LAMA2: variants seen among roughly 807,000 people sequenced by gnomAD.
LAMA2 encodes the protein laminin subunit alpha 2.
Under a neutral mutation model 364.8 loss-of-function variants are expected in LAMA2, and 269 were observed. That is an observed-to-expected ratio of 0.74 (90% CI 0.67 to 0.82). LAMA2 has a LOEUF of 0.82. Among genes scored for constraint, LAMA2 ranks in the 40% least tolerant of loss-of-function variants. LAMA2 has a pLI of 0.00. For missense variants in LAMA2, 3,807 were observed against 3,873.2 expected, an observed-to-expected ratio of 0.98 and a Z score of 0.45; for synonymous variants, 1,379 against 1,370.6, an observed-to-expected ratio of 1.01 and a Z score of -0.14.
Position 129,190,331 on chromosome 6 carries a change from T to C in LAMA2, c.1594T>C (p.Trp532Arg), listed in dbSNP as rs373100233. The C allele has an allele frequency of 3.1e-6, 5 of 1,613,464 alleles. No homozygotes were observed. The highest frequency in any genetic ancestry group is 4.2e-6 in the Non-Finnish European group (5 of 1,179,438). The change falls in exon 11 of 65, where the codon TGG (tryptophan) becomes CGG (arginine). Residue 532 changes from tryptophan (W) to arginine (R), a missense_variant. Trp to Arg is a moderately radical substitution (Grantham distance 101). Around this residue, in one of 3 missense-constraint regions of LAMA2, gnomAD observed 3,333 missense variants for 3,345.7 expected, o/e 1.00. Coordinates refer to ENST00000421865, the MANE Select transcript of LAMA2 (RefSeq NM_000426.4). ...TTCAAACAGATGTCAGAGTTCCTAC[T>C]GGACCTATGGCAAAGTAAGCAAGCA... Reference protein sequence around the residue: ...GVSNRCQSSYWTYGKIQDMSG... With the variant: ...GVSNRCQSSYRTYGKIQDMSG...
intron 3 of LAMA2, among the ~76,000 whole-genome samples, chr6:129,091,442 A>G (rs1017022800): frequency 3.3e-5 from 5 of 152,190 alleles, no homozygotes; most frequent in Admixed American, 3.3e-4. Flanking sequence ...AACTGAGGGC[A>G]GAGTATTCCT....
intron 40 of LAMA2, among the ~76,000 whole-genome samples, chr6:129,413,603 A>G (rs188350123): frequency 6.6e-6 from 1 of 152,194 alleles, no homozygotes; most frequent in Non-Finnish European, 1.5e-5. Flanking sequence ...ATGCAATACA[A>G]TTAGAAATTG....
At chr6:129,426,007 T>C (rs1781307187) in intron 40 of LAMA2, among the ~76,000 whole-genome samples, 1 of 152,178 alleles carries the variant, frequency 6.6e-6, no homozygotes, top group Non-Finnish European at 1.5e-5. Flanking sequence ...GGAAAGCTGT[T>C]TTCTTTTTTT....
At position 129,427,840 on chromosome 6, in the gene LAMA2, C is replaced by G; in HGVS notation, c.5954C>G (p.Ala1985Gly). 3.1e-6 allele frequency: 5 copies of G among 1,610,846 alleles called. No homozygotes were observed. The highest frequency in any genetic ancestry group is 4.2e-6 in the Non-Finnish European group (5 of 1,177,192). Reference protein sequence around the residue: ...FRILNEAKKLANDVKENEDHL... With the variant: ...FRILNEAKKLGNDVKENEDHL... ...ATTCTTAACGAAGCCAAGAAGTTAG[C>G]AAATGATGTAAAAGGTCAGTGTGGC... Residue 1985 changes from alanine (A) to glycine (G), a missense_variant, in exon 41 of 65, where the codon GCA becomes GGA. Ala to Gly is a moderately conservative substitution (Grantham distance 60, BLOSUM62 0). This residue lies in a region of LAMA2 where 3,333 missense variants were observed against 3,345.7 expected (regional missense o/e 1.00). Transcript: ENST00000421865.
intron 1 of LAMA2, among the ~76,000 whole-genome samples, chr6:128,934,114 T>C (rs1380492739): frequency 2.0e-5 from 3 of 152,244 alleles, no homozygotes; most frequent in Admixed American, 2.0e-4. Context: ...GATTTTTGTA[T>C]ATGGAATAAG....
Position 129,067,477 on chromosome 6 carries a change from G to A in LAMA2, c.396+7581G>A, listed in dbSNP as rs149522749. Among the ~76,000 whole-genome samples, 1,225 of 152,240 alleles carry A rather than the reference G, an allele frequency of 8.0e-3. 7 individuals are homozygous for A. Among genetic ancestry groups the A allele is most frequent in the Middle Eastern group, 0.027 (8 of 294 alleles). On this transcript the variant is annotated intron_variant, in intron 3 of 64. Transcript: ENST00000421865. ...AAAATGTTCATCCTAATTGGTTTCC[G>A]TTTGTCTACCCTTTGGTCTGCTTTC...
chr6:129,486,903 C>T (rs1288488081), intron 56 of LAMA2, among the ~76,000 whole-genome samples: 1 of 152,152 alleles, frequency 6.6e-6, no homozygotes, highest in Non-Finnish European at 1.5e-5. Context: ...AGAAAAATCC[C>T]TCCCTCTGCC....
intron 1 of LAMA2, among the ~76,000 whole-genome samples, chr6:128,950,378 A>G (rs2114566236): frequency 6.6e-6 from 1 of 152,282 alleles, no homozygotes; most frequent in Admixed American, 6.5e-5. Flanking sequence ...GAAGCAACAT[A>G]CCAAGAAGGA....
rs1217989194 is a variant in LAMA2 at position 129,366,319 on chromosome 6, T to C, written c.4818T>C (p.Tyr1606=). 6.2e-7 allele frequency: 1 copy of C among 1,613,956 alleles called. No individual in the cohort carries two copies. Among genetic ancestry groups the C allele is most frequent in the South Asian group, 1.1e-5 (1 of 91,058 alleles). The change falls in exon 33 of 65, where the codon TAT becomes TAC. Residue 1606 remains tyrosine (Y), a synonymous_variant. Coordinates refer to ENST00000421865, the MANE Select transcript of LAMA2 (RefSeq NM_000426.4). The part of the protein sequence containing the change: ...INLTGPLPAP[Y]KMLYGLENMT... Reference sequence around the variant, plus strand: ...TCACTGGTCCGCTGCCTGCGCCATATAAAATGCTGTATGGTCTTGAAAATA... The same window carrying C: ...TCACTGGTCCGCTGCCTGCGCCATACAAAATGCTGTATGGTCTTGAAAATA...
Position 129,051,904 on chromosome 6 carries a change from G to A in LAMA2, c.283+1816G>A, listed in dbSNP as rs1788071721. The stretch of plus-strand genomic sequence containing the variant: ...GAACGGAGTTGTGGGGAGGAGGTGC[G>A]AGTGTGTAGATGTGTGTTTAGGATG... On this transcript the variant is annotated intron_variant, in intron 2 of 64. Transcript: ENST00000421865. Among the ~76,000 whole-genome samples, 4 of 151,726 alleles carry A rather than the reference G, an allele frequency of 2.6e-5. No individual in the cohort carries two copies. The South Asian group carries it at 8.3e-4, about 32-fold the overall frequency.
At chr6:129,138,600 ACT>A (rs1777937180) in intron 4 of LAMA2, among the ~76,000 whole-genome samples, 2 of 152,162 alleles carry the variant, frequency 1.3e-5, no homozygotes, top group Admixed American at 1.3e-4. Flanking sequence ...CCCGTGCATT[ACT>A]GTTTCATATA....
Position 129,359,223 on chromosome 6 carries a change from C to T in LAMA2, c.4717+5866C>T, listed in dbSNP as rs1177104808. On this transcript the variant is annotated intron_variant, in intron 32 of 64. Coordinates refer to ENST00000421865, the MANE Select transcript of LAMA2 (RefSeq NM_000426.4). The stretch of plus-strand genomic sequence containing the variant: ...TTGAACCACATTGAACTTGTTTTCC[C>T]ATGTATTATATATAGAATTTTATTT... 2.0e-5 allele frequency among the ~76,000 whole-genome samples: 3 copies of T among 149,182 alleles called. No homozygotes were observed. The South Asian group carries it at 6.3e-4, about 31-fold the overall frequency.
At chr6:129,466,125 C>T (rs1014897750) in intron 51 of LAMA2, among the ~76,000 whole-genome samples, 3 of 151,888 alleles carry the variant, frequency 2.0e-5, no homozygotes, top group African/African-American at 7.2e-5. Context: ...GCATTTAATA[C>T]ATATCTGCCA....
intron 1 of LAMA2, among the ~76,000 whole-genome samples, chr6:128,883,970 C>T (rs1383213648): frequency 1.3e-5 from 2 of 151,992 alleles, no homozygotes; most frequent in African/African-American, 4.8e-5. Context: ...CACATCTTAT[C>T]TTCATATCCT....
chr6:129,313,905 A>G (rs1774386681), intron 23 of LAMA2, among the ~76,000 whole-genome samples: 2 of 152,226 alleles, frequency 1.3e-5, no homozygotes, highest in South Asian at 4.1e-4. Context: ...CGCAATTATG[A>G]TCATATATTT....
intron 52 of LAMA2, 125 bp downstream of exon 52, chr6:129,473,477 T>C: frequency 1.2e-6 from 1 of 831,416 alleles, no homozygotes; most frequent in South Asian, 1.5e-5. Context: ...AAAGGCCTAA[T>C]CAAAAACATC....
At chr6:129,225,184 C>T (rs1784161094) in intron 12 of LAMA2, among the ~76,000 whole-genome samples, 1 of 152,056 alleles carries the variant, frequency 6.6e-6, no homozygotes, top group South Asian at 2.1e-4. Context: ...GTGATATCCC[C>T]TTTATCATTT....
At chr6:129,156,225 C>T (rs1269520115) in intron 8 of LAMA2, among the ~76,000 whole-genome samples, 1 of 151,054 alleles carries the variant, frequency 6.6e-6, no homozygotes, top group African/African-American at 2.4e-5. Flanking sequence ...TAAATATATA[C>T]AATTTTGTCA....
intron 4 of LAMA2, among the ~76,000 whole-genome samples, chr6:129,120,571 T>C (rs1016135395): frequency 1.3e-5 from 2 of 152,252 alleles, no homozygotes; most frequent in Admixed American, 6.5e-5. Context: ...AGATTACGAT[T>C]AGTATACCAC....
Sources: allele counts gnomAD v4.1 joint callset (sites outside exome capture counted in the v4.1 genomes callset), GRCh38; gene constraint gnomAD v4.1.1; regional missense constraint gnomAD v4.1.1; transcripts MANE v1.5; gene names NCBI Gene and HGNC (gene_info 2026-07-23, HGNC 2026-07-21).